Variants in DCLK1 observed in about 807,000 individuals in gnomAD.
The protein encoded by DCLK1 is doublecortin like kinase 1, also known as serine/threonine-protein kinase DCLK1.
A neutral mutation model predicts 86.2 loss-of-function variants in DCLK1; 16 were observed. The observed-to-expected ratio is 0.19, with a 90% CI of 0.13 to 0.28. The LOEUF (loss-of-function observed/expected upper bound fraction) is 0.28, where lower values mean the gene tolerates loss of function less well. Ranked by LOEUF, DCLK1 falls within the 10% of genes least tolerant of loss-of-function variation. The pLI, the probability that DCLK1 is intolerant of heterozygous loss-of-function variation, is 1.00. For synonymous variants in DCLK1, 369 were observed against 370.5 expected, an observed-to-expected ratio of 1.00 and a Z score of 0.05; for missense variants, 590 against 940.2, an observed-to-expected ratio of 0.63 and a Z score of 4.87.
In DCLK1 at chr13:35,822,875, C is replaced by T; in HGVS notation, c.1408G>A (p.Gly470Arg). The T allele has an allele frequency of 6.2e-7, 1 of 1,613,750 alleles. No homozygotes were observed. The highest frequency in any genetic ancestry group is 8.5e-7 in the Non-Finnish European group (1 of 1,179,938). ...GTAATGGCATCAAAAAGGTCTCCCC[C>T]CTGAGAAGAGAACAGAAGCTGAAGC... ...ELYLVMELVK[G>R]GDLFDAITST... The change falls in exon 11 of 17, where the codon GGG becomes AGG. Residue 470 changes from glycine to arginine, a missense_variant and splice_region_variant. Gly to Arg is a moderately radical substitution (Grantham distance 125). This residue lies in a region of DCLK1 where 108 missense variants were observed against 195.7 expected (regional missense o/e 0.55). Transcript: ENST00000360631.
intron 2 of DCLK1, among the ~76,000 whole-genome samples, chr13:36,124,474 G>C (rs2138217298): frequency 6.6e-6 from 1 of 152,340 alleles, no homozygotes; most frequent in Non-Finnish European, 1.5e-5. Flanking sequence ...ACTGTGATCA[G>C]GCTGGCATTT....
At chr13:35,996,293 C>T (rs76784992) in intron 3 of DCLK1, among the ~76,000 whole-genome samples, 1,757 of 152,298 alleles carry the variant, frequency 0.012, 15 homozygotes, top group Middle Eastern at 0.017. Context: ...TAAGGCCTCC[C>T]GTCTTCATCA....
At chr13:35,976,970 G>A (rs1879378078) in intron 3 of DCLK1, among the ~76,000 whole-genome samples, 2 of 152,116 alleles carry the variant, frequency 1.3e-5, no homozygotes, top group Non-Finnish European at 2.9e-5. Flanking sequence ...CCTCAGGAAG[G>A]ATATAGAGAG....
chr13:35,909,490 T>C (rs1392062638), intron 4 of DCLK1, among the ~76,000 whole-genome samples: 1 of 152,094 alleles, frequency 6.6e-6, no homozygotes, highest in African/African-American at 2.4e-5. Flanking sequence ...GGGATGATAC[T>C]CACCTCATGG....
chr13:35,880,973 C>T (rs532214383), intron 4 of DCLK1, among the ~76,000 whole-genome samples: 181 of 152,208 alleles, frequency 1.2e-3, no homozygotes, highest in Non-Finnish European at 2.0e-3. Flanking sequence ...ATTGTTCAGC[C>T]GAAATACAAT....
intron 3 of DCLK1, among the ~76,000 whole-genome samples, chr13:36,107,182 G>A (rs74046733): frequency 0.014 from 2,057 of 152,170 alleles, 57 homozygotes; most frequent in African/African-American, 0.047. Context: ...CAGCTACTGG[G>A]ATGTCCTCAA....
At chr13:35,928,066 T>A (rs1876226574) in intron 4 of DCLK1, among the ~76,000 whole-genome samples, 1 of 152,160 alleles carries the variant, frequency 6.6e-6, no homozygotes, top group African/African-American at 2.4e-5. Flanking sequence ...GAAACTGTAA[T>A]CATAAAGATA....
At chr13:35,809,181 A>G in intron 12 of DCLK1, 86 bp from the exon 13 acceptor site, 1 of 1,088,356 alleles carries the variant, frequency 9.2e-7, no homozygotes, top group Non-Finnish European at 1.3e-6. Context: ...TTCCTCCTCC[A>G]AGCCAAAAAT....
chr13:36,111,728 G>GACT (rs1885624891), intron 3 of DCLK1, 141 bp downstream of exon 3: 2 of 665,160 alleles, frequency 3.0e-6, no homozygotes, highest in African/African-American at 1.8e-5. Context: ...GACTGTTCTA[G>GACT]GGCCAGCAAG....
intron 3 of DCLK1, among the ~76,000 whole-genome samples, chr13:36,100,522 A>G (rs1052874585): frequency 2.6e-5 from 4 of 152,198 alleles, no homozygotes; most frequent in Non-Finnish European, 5.9e-5. Flanking sequence ...GTATCAACCA[A>G]CGACAGAAAC....
At chr13:36,053,880 A>G (rs2153157712) in intron 3 of DCLK1, among the ~76,000 whole-genome samples, 1 of 152,112 alleles carries the variant, frequency 6.6e-6, no homozygotes, top group East Asian at 1.9e-4. Context: ...TGAAAAGCAC[A>G]CACTGAGGCA....
Position 36,058,318 on chromosome 13 carries a change from A to G in DCLK1, c.723+53551T>C, listed in dbSNP as rs11616674. Among the ~76,000 whole-genome samples the G allele has an allele frequency of 3.8e-3, 585 of 152,298 alleles. 1 individual carries two copies. The highest frequency in any genetic ancestry group is 7.0e-3 in the Non-Finnish European group (477 of 68,016). ...GAGAGCCTGATGGACTGAGAAAGGG[A>G]ACTTTTCCCAGAGTAACCAAGGGCT... On this transcript the variant is annotated intron_variant, in intron 3 of 16. Coordinates refer to ENST00000360631, the MANE Select transcript of DCLK1 (RefSeq NM_001330071.2).
intron 3 of DCLK1, among the ~76,000 whole-genome samples, chr13:36,062,371 T>G (rs939218246): frequency 1.3e-5 from 2 of 152,126 alleles, no homozygotes; most frequent in Non-Finnish European, 2.9e-5. Flanking sequence ...GGCAGGGACT[T>G]ACTGTCTTGG....
intron 3 of DCLK1, among the ~76,000 whole-genome samples, chr13:35,999,116 G>A (rs891582729): frequency 2.6e-5 from 4 of 152,044 alleles, no homozygotes; most frequent in Non-Finnish European, 5.9e-5. Context: ...TTAACTGAAT[G>A]CAGTAGCATG....
intron 11 of DCLK1, among the ~76,000 whole-genome samples, chr13:35,820,402 A>T (rs1593625221): frequency 6.6e-6 from 1 of 151,958 alleles, no homozygotes; most frequent in Non-Finnish European, 1.5e-5. Flanking sequence ...AGGAGAGAAC[A>T]TTTTTTTTCT....
intron 11 of DCLK1, among the ~76,000 whole-genome samples, chr13:35,813,720 C>A (rs2087201995): frequency 6.8e-6 from 1 of 147,540 alleles, no homozygotes; most frequent in Admixed American, 6.9e-5. Flanking sequence ...TTGCACAGTG[C>A]CCCGCCCCGC....
intron 2 of DCLK1, among the ~76,000 whole-genome samples, chr13:36,114,410 G>A (rs1460711915): frequency 6.6e-6 from 1 of 152,140 alleles, no homozygotes; most frequent in Non-Finnish European, 1.5e-5. Context: ...AGAAGGATGT[G>A]AGACTCCAGT....
intron 3 of DCLK1, among the ~76,000 whole-genome samples, chr13:36,095,476 G>A (rs1017555385): frequency 3.3e-5 from 5 of 152,098 alleles, no homozygotes; most frequent in African/African-American, 1.2e-4. Context: ...AAAATGCTGG[G>A]AGTCCAGGTG....
chr13:35,912,249 G>A (rs1054096213), intron 4 of DCLK1, among the ~76,000 whole-genome samples: 12 of 152,162 alleles, frequency 7.9e-5, no homozygotes, highest in Non-Finnish European at 1.3e-4. Context: ...TAGGCAGACA[G>A]GGGTAGGTCC....
Sources: gnomAD v4.1 joint callset for allele counts (sites outside exome capture counted in the v4.1 genomes callset) on GRCh38, gnomAD v4.1.1 for gene constraint, gnomAD v4.1.1 regional missense constraint, MANE v1.5 for transcripts, NCBI Gene and HGNC (gene_info 2026-07-23, HGNC 2026-07-21) for gene names.